AUTS2: variants seen among roughly 807,000 people sequenced by gnomAD.
The protein encoded by AUTS2 is activator of transcription and developmental regulator AUTS2, also known as autism susceptibility gene 2 protein.
Under a neutral mutation model 112.4 loss-of-function variants are expected in AUTS2, and 17 were observed. The ratio of observed to expected loss-of-function variants is 0.15; its 90% confidence interval spans 0.10 to 0.23. The LOEUF (loss-of-function observed/expected upper bound fraction) is 0.23, where lower values mean the gene tolerates loss of function less well. Among genes scored for constraint, AUTS2 ranks in the 10% least tolerant of loss-of-function variants. The pLI is 1.00. For synonymous variants in AUTS2, 751 were observed against 702.7 expected, an observed-to-expected ratio of 1.07 and a Z score of -1.09; for missense variants, 1,510 against 1,701.6, an observed-to-expected ratio of 0.89 and a Z score of 1.98.
intron 5 of AUTS2, among the ~76,000 whole-genome samples, chr7:70,554,393 C>CTTTTTTTTTTTTTTTTTTTTTTT (rs34757734): frequency 8.6e-6 from 1 of 116,046 alleles, no homozygotes; most frequent in Non-Finnish European, 1.7e-5. Context: ...TCTTTTCTTT[C>CTTTTTTTTTTTTTTTTTTTTTTT]TTTTTTTTTT....
chr7:70,701,255 G>C (rs898716328), intron 6 of AUTS2, among the ~76,000 whole-genome samples: 1 of 152,240 alleles, frequency 6.6e-6, no homozygotes, highest in Non-Finnish European at 1.5e-5. Flanking sequence ...TGGGGGTTGG[G>C]GGGGCGCAGC....
At chr7:69,811,864 C>G (rs1169874838) in intron 1 of AUTS2, among the ~76,000 whole-genome samples, 1 of 152,154 alleles carries the variant, frequency 6.6e-6, no homozygotes, top group Admixed American at 6.5e-5. Flanking sequence ...AGGGCAAAGA[C>G]TATGTTTTAT....
chr7:70,397,429 A>G (rs1794137019), intron 4 of AUTS2, among the ~76,000 whole-genome samples: 1 of 151,838 alleles, frequency 6.6e-6, no homozygotes, highest in East Asian at 1.9e-4. Context: ...TTGTTTTTCT[A>G]ATGACTACTG....
chr7:70,247,572 T>G (rs1380296167), intron 4 of AUTS2, among the ~76,000 whole-genome samples: 1 of 152,220 alleles, frequency 6.6e-6, no homozygotes, highest in Non-Finnish European at 1.5e-5. Flanking sequence ...AATTTACTGC[T>G]GGTGTATAGA....
At chr7:69,910,229 T>A (rs775482139) in intron 2 of AUTS2, among the ~76,000 whole-genome samples, 3 of 152,212 alleles carry the variant, frequency 2.0e-5, no homozygotes, top group Non-Finnish European at 4.4e-5. Flanking sequence ...ATCCTTGGGA[T>A]GTCATCTTGC....
At chr7:69,695,457 CA>C (rs1005972901) in intron 1 of AUTS2, among the ~76,000 whole-genome samples, 1 of 151,888 alleles carries the variant, frequency 6.6e-6, no homozygotes, top group Admixed American at 6.6e-5. Context: ...AAATATAAAA[CA>C]AAAAAATTAT....
chr7:69,617,322 C>G (rs1443782983), intron 1 of AUTS2, among the ~76,000 whole-genome samples: 14 of 152,100 alleles, frequency 9.2e-5, no homozygotes, highest in Non-Finnish European at 2.1e-4. Context: ...TTACGTGATG[C>G]TTTATCCAGG....
At chr7:69,683,009 A>G (rs1233843013) in intron 1 of AUTS2, among the ~76,000 whole-genome samples, 2 of 152,260 alleles carry the variant, frequency 1.3e-5, no homozygotes, top group Non-Finnish European at 2.9e-5. Flanking sequence ...AAAGTTTAAT[A>G]GGCAAGAAAG....
intron 2 of AUTS2, among the ~76,000 whole-genome samples, chr7:70,086,458 A>G (rs1466217299): frequency 6.6e-6 from 1 of 152,092 alleles, no homozygotes; most frequent in African/African-American, 2.4e-5. Flanking sequence ...CCTGGCCAAC[A>G]TGCTGAAACC....
At chr7:70,292,635 C>T (rs1788760241) in intron 4 of AUTS2, 1 of 152,132 alleles carries the variant, frequency 6.6e-6, no homozygotes, top group African/African-American at 2.4e-5. Flanking sequence ...GCAAATGAGA[C>T]ATTAAAGGAA....
intron 2 of AUTS2, among the ~76,000 whole-genome samples, chr7:70,106,346 T>C (rs889648845): frequency 3.9e-5 from 6 of 152,166 alleles, no homozygotes; most frequent in Non-Finnish European, 7.4e-5. Flanking sequence ...CAGTTAGTGC[T>C]CTTGTTTCCA....
chr7:70,067,916 A>G (rs567088913), intron 2 of AUTS2, among the ~76,000 whole-genome samples: 1 of 152,112 alleles, frequency 6.6e-6, no homozygotes, highest in East Asian at 1.9e-4. Flanking sequence ...CATCATGCAA[A>G]TGCATGGTTG....
chr7:70,296,212 C>G (rs1788927209), intron 4 of AUTS2, among the ~76,000 whole-genome samples: 1 of 152,186 alleles, frequency 6.6e-6, no homozygotes, highest in South Asian at 2.1e-4. Flanking sequence ...TTCGACTCAT[C>G]AAACATTTGT....
At chr7:70,112,253 A>C (rs917747134) in intron 2 of AUTS2, among the ~76,000 whole-genome samples, 1 of 151,880 alleles carries the variant, frequency 6.6e-6, no homozygotes, top group Non-Finnish European at 1.5e-5. Flanking sequence ...GACAGACTTT[A>C]AAAAAATTCT....
At chr7:69,722,868 A>G (rs1799035651) in intron 1 of AUTS2, among the ~76,000 whole-genome samples, 1 of 151,524 alleles carries the variant, frequency 6.6e-6, no homozygotes, top group African/African-American at 2.4e-5. Context: ...TTCTTGGAAT[A>G]TGGTAACACC....
At chr7:69,866,599 A>G (rs1433000691) in intron 1 of AUTS2, among the ~76,000 whole-genome samples, 2 of 152,304 alleles carry the variant, frequency 1.3e-5, no homozygotes, top group African/African-American at 4.8e-5. Context: ...AATGCAATAT[A>G]CTGTTGCAAG....
chr7:70,348,671 G>A (rs942664592), intron 4 of AUTS2, among the ~76,000 whole-genome samples: 13 of 152,116 alleles, frequency 8.5e-5, no homozygotes, highest in East Asian at 1.9e-4. Flanking sequence ...TTAGCCAGGC[G>A]AGGTGGCGGG....
chr7:70,153,007 T>C (rs1437644628), intron 4 of AUTS2, among the ~76,000 whole-genome samples: 1 of 152,174 alleles, frequency 6.6e-6, no homozygotes, highest in African/African-American at 2.4e-5. Context: ...AGAGAACAGT[T>C]TGATAATTTA....
intron 5 of AUTS2, among the ~76,000 whole-genome samples, chr7:70,518,380 C>T (rs1256176003): frequency 6.6e-6 from 1 of 152,030 alleles, no homozygotes; most frequent in Non-Finnish European, 1.5e-5. Context: ...AGAATGAACA[C>T]TAGAAAAACG....
Sources: allele counts gnomAD v4.1 joint callset (sites outside exome capture counted in the v4.1 genomes callset), GRCh38; gene constraint gnomAD v4.1.1; transcripts MANE v1.5; gene names NCBI Gene and HGNC (gene_info 2026-07-23, HGNC 2026-07-21).